The following NADK2 variants were observed in gnomAD, a reference collection of about 807,000 sequenced individuals.
NADK2 encodes NAD kinase 2, mitochondrial.
Under a neutral mutation model 62.1 loss-of-function variants are expected in NADK2, and 35 were observed. That is an observed-to-expected ratio of 0.56 (90% CI 0.43 to 0.75). The LOEUF is 0.75. Ranked by LOEUF, NADK2 falls within the 30% of genes least tolerant of loss-of-function variation. The pLI, the probability that NADK2 is intolerant of heterozygous loss-of-function variation, is 0.00. For synonymous variants in NADK2, 205 were observed against 207.9 expected, an observed-to-expected ratio of 0.99 and a Z score of 0.12; for missense variants, 439 against 561.3, an observed-to-expected ratio of 0.78 and a Z score of 2.20.
chr5:36,209,010 A>G (rs1440154126), intron 7 of NADK2, among the ~76,000 whole-genome samples: 3 of 152,160 alleles, frequency 2.0e-5, no homozygotes, highest in Admixed American at 1.3e-4. Context: ...GAGATAGCAT[A>G]CACAATATAC....
intron 4 of NADK2, among the ~76,000 whole-genome samples, chr5:36,224,441 C>T (rs1747399346): frequency 6.6e-6 from 1 of 151,742 alleles, no homozygotes; most frequent in African/African-American, 2.4e-5. Flanking sequence ...CCTATAGTCC[C>T]AGCCACTCAG....
At chr5:36,228,262 C>T (rs1041920581) in intron 1 of NADK2, among the ~76,000 whole-genome samples, 1 of 152,000 alleles carries the variant, frequency 6.6e-6, no homozygotes, top group Admixed American at 6.6e-5. Flanking sequence ...TATGAATAAT[C>T]CATAAAGTAA....
intron 4 of NADK2, among the ~76,000 whole-genome samples, chr5:36,220,801 A>T (rs1205695162): frequency 6.6e-6 from 1 of 152,226 alleles, no homozygotes; most frequent in Admixed American, 6.5e-5. Flanking sequence ...GACTTGGACT[A>T]GCACGACCAC....
intron 4 of NADK2, among the ~76,000 whole-genome samples, chr5:36,220,873 A>G (rs1048962390): frequency 1.3e-5 from 2 of 152,176 alleles, no homozygotes; most frequent in African/African-American, 4.8e-5. Context: ...GGAGGCCTCA[A>G]TCACCCTCTA....
At position 36,194,144 on chromosome 5, in the gene NADK2, C is replaced by T. The variant is rs1158305925; in HGVS notation, c.*1000G>A. 4.6e-5 allele frequency: 7 copies of T among 151,804 alleles called. No homozygotes were observed. The East Asian group carries it at 1.4e-3, about 29-fold the overall frequency. 9.4% of individuals were successfully genotyped at this position (151,804 alleles called of 1,614,324 possible). A position where few individuals can be genotyped will look rare whatever the true frequency, so the allele number is the denominator to read the frequency against. On this transcript the variant is annotated 3_prime_UTR_variant, in exon 12 of 12. Coordinates refer to ENST00000381937, the MANE Select transcript of NADK2 (RefSeq NM_001085411.3). Reference sequence around the variant, plus strand: ...CATGGGGAAAAAAAAAAAGTCCTAACATCTTATCCTAAAAGCTATTCTGTA... The same window carrying T: ...CATGGGGAAAAAAAAAAAGTCCTAATATCTTATCCTAAAAGCTATTCTGTA...
At chr5:36,226,159 CATT>C (rs1747475503) in intron 3 of NADK2, among the ~76,000 whole-genome samples, 1 of 152,144 alleles carries the variant, frequency 6.6e-6, no homozygotes, top group African/African-American at 2.4e-5. Flanking sequence ...TACCTCATCT[CATT>C]AAACTCTTTA....
Position 36,192,946 on chromosome 5 carries a change from A to G in NADK2, c.*2198T>C, listed in dbSNP as rs1488067002. ...TTAAAAGGTTAACTCATTCAAACAC[A>G]TTTTTGCTATGCTAACATTCCTTTG... On this transcript the variant is annotated 3_prime_UTR_variant, in exon 12 of 12. Transcript: ENST00000381937. The G allele has an allele frequency of 6.6e-6, 1 of 152,224 alleles. No individual in the cohort carries two copies. Among genetic ancestry groups the G allele is most frequent in the Non-Finnish European group, 1.5e-5 (1 of 68,030 alleles). The allele number at this position is 152,224 out of a possible 1,614,324, so 9.4% of individuals were successfully genotyped here.
rs186080934 is a variant in NADK2 at position 36,239,334 on chromosome 5, C to T, written c.300+2165G>A. On this transcript the variant is annotated intron_variant, in intron 1 of 11. Transcript: ENST00000381937. ...TCTCTCATCTGGTCTACAACTAATG[C>T]TATTGCATTCTGAGTATGGGCCTTT... Among the ~76,000 whole-genome samples, 4 of 152,334 alleles carry T rather than the reference C, an allele frequency of 2.6e-5. No homozygotes were observed. In the East Asian group the frequency reaches 7.7e-4, roughly 29 times the overall value.
At chr5:36,209,328 C>T (rs1046760562) in intron 7 of NADK2, among the ~76,000 whole-genome samples, 2 of 152,118 alleles carry the variant, frequency 1.3e-5, no homozygotes, top group African/African-American at 4.8e-5. Context: ...CAAAATCTAT[C>T]AACTGATCCA....
At chr5:36,195,797 T>C (rs1337577427) in intron 11 of NADK2, among the ~76,000 whole-genome samples, 1 of 152,192 alleles carries the variant, frequency 6.6e-6, no homozygotes, top group Non-Finnish European at 1.5e-5. Context: ...TCCCAGTCAC[T>C]ATCCCTGCTC....
rs764165160 is a variant in NADK2 at position 36,200,248 on chromosome 5, T to G, written c.1045A>C (p.Asn349His). 1 of 1,585,462 alleles carries G rather than the reference T, an allele frequency of 6.3e-7. No individual in the cohort carries two copies. Among genetic ancestry groups the G allele is most frequent in the Non-Finnish European group, 8.6e-7 (1 of 1,165,240 alleles). ...TGACCTTTCTCTACCAATTCTCTGT[T>G]CAATGGAAGACTCAAATTTCCTTGT... ...KRQGNLSLPLNRELVEKVTNE... is the reference protein window; with the variant it reads ...KRQGNLSLPLHRELVEKVTNE... The change falls in exon 10 of 12, where the codon AAC becomes CAC. Residue 349 changes from asparagine (N) to histidine (H), a missense_variant. By Grantham distance (68) the Asn-to-His change is moderately conservative. Coordinates refer to ENST00000381937, the MANE Select transcript of NADK2 (RefSeq NM_001085411.3).
chr5:36,239,195 G>C (rs1426577189), intron 1 of NADK2, among the ~76,000 whole-genome samples: 1 of 152,136 alleles, frequency 6.6e-6, no homozygotes, highest in East Asian at 1.9e-4. Context: ...ACATAACTTA[G>C]TATTTTCTAC....
chr5:36,208,636 A>C (rs1053514596), intron 7 of NADK2: 2 of 1,532,160 alleles, frequency 1.3e-6, no homozygotes, highest in African/African-American at 2.7e-5. Flanking sequence ...GTCCCTTTAG[A>C]GTGGGTATAC....
Position 36,197,558 on chromosome 5 carries a change from C to T in NADK2, c.1173G>A (p.Gln391=), listed in dbSNP as rs760521253. Residue 391 remains glutamine (Q), a synonymous_variant, in exon 11 of 12, where the codon CAG becomes CAA. Transcript: ENST00000381937. ...ATGCTTACTTTGAGGAGAAACAACG[C>T]TGACGACTGCTTGAGAAAACTCTAT... is the stretch of plus-strand genomic sequence containing the variant. ...IANRVFSSSR[Q]RCFSSKVCVR... is the part of the protein sequence containing the mutation. 1.2e-6 allele frequency: 2 copies of T among 1,612,304 alleles called. No homozygotes were observed. Among genetic ancestry groups the T allele is most frequent in the Non-Finnish European group, 1.7e-6 (2 of 1,178,876 alleles).
intron 8 of NADK2, among the ~76,000 whole-genome samples, 161 bp downstream of exon 8, chr5:36,207,009 C>G (rs1379190856): frequency 6.6e-6 from 1 of 152,020 alleles, no homozygotes; most frequent in Non-Finnish European, 1.5e-5. Flanking sequence ...GAAGTCAAGG[C>G]AGGACTACTA....
chr5:36,211,411 T>C (rs1309801937), intron 7 of NADK2, among the ~76,000 whole-genome samples: 8 of 151,882 alleles, frequency 5.3e-5, no homozygotes, highest in Non-Finnish European at 1.0e-4. Context: ...AAAAATTAGG[T>C]AGGTGTGGTG....
intron 7 of NADK2, among the ~76,000 whole-genome samples, chr5:36,210,933 A>C (rs1051571548): frequency 6.6e-6 from 1 of 152,196 alleles, no homozygotes; most frequent in Non-Finnish European, 1.5e-5. Context: ...GCAGGAGCAT[A>C]GTTTGAATCC....
At position 36,219,500 on chromosome 5, in the gene NADK2, C is replaced by T. The variant is rs112602329; in HGVS notation, c.644+96G>A. ...TACTGGGATTACAGGCGTGAGATAC[C>T]GTGCCCTGCCTGATTTGTTCTGTTT... On this transcript the variant is annotated intron_variant, in intron 5 of 11. Transcript: ENST00000381937. 48 of 1,089,674 alleles carry T rather than the reference C, an allele frequency of 4.4e-5. No homozygotes were observed. The African/African-American group carries it at 5.6e-4, about 13-fold the overall frequency. 67.5% of individuals were successfully genotyped at this position (1,089,674 alleles called of 1,614,324 possible).
chr5:36,222,213 A>T lies in NADK2; in HGVS notation c.561-2534T>A, dbSNP rs1293385363. Among the ~76,000 whole-genome samples, 3 of 151,870 alleles carry T rather than the reference A, an allele frequency of 2.0e-5. No homozygotes were observed. The South Asian group carries it at 6.2e-4, about 32-fold the overall frequency. On this transcript the variant is annotated intron_variant, in intron 4 of 11. Transcript: ENST00000381937. ...AGAAACACAGAAGTGAGTAAGTGGT[A>T]TAAGGGAACTTTTGACAAAAGCACA... is the stretch of plus-strand genomic sequence containing the variant.
Sources: gnomAD v4.1 joint callset for allele counts (sites outside exome capture counted in the v4.1 genomes callset) on GRCh38, gnomAD v4.1.1 for gene constraint, MANE v1.5 for transcripts, NCBI Gene and HGNC (gene_info 2026-07-23, HGNC 2026-07-21) for gene names.